Variants in ATP2B1 observed in about 807,000 individuals in gnomAD.
The protein encoded by ATP2B1 is ATPase plasma membrane Ca2+ transporting 1, also known as plasma membrane calcium-transporting ATPase 1.
A neutral mutation model predicts 124.2 loss-of-function variants in ATP2B1; 14 were observed. The ratio of observed to expected loss-of-function variants is 0.11; its 90% CI spans 0.07 to 0.18. The LOEUF is 0.18. Ranked by LOEUF, ATP2B1 falls within the 10% of genes least tolerant of loss-of-function variation. ATP2B1 has a pLI of 1.00. For synonymous variants in ATP2B1, 449 were observed against 492.4 expected, an observed-to-expected ratio of 0.91 and a Z score of 1.17; for missense variants, 763 against 1,466.1, an observed-to-expected ratio of 0.52 and a Z score of 7.83.
intron 1 of ATP2B1, among the ~76,000 whole-genome samples, chr12:89,659,758 TA>T (rs1242915164): frequency 6.6e-6 from 1 of 151,242 alleles, no homozygotes; most frequent in Non-Finnish European, 1.5e-5. Context: ...CCGTCTCTAC[TA>T]AAAAATACAA....
intron 1 of ATP2B1, among the ~76,000 whole-genome samples, chr12:89,663,687 G>A (rs550217757): frequency 2.6e-5 from 4 of 152,204 alleles, no homozygotes; most frequent in South Asian, 2.1e-4. Context: ...TTTATGCTGC[G>A]TTGAAACTAC....
chr12:89,630,218 G>A (rs190350779), intron 6 of ATP2B1, among the ~76,000 whole-genome samples: 28 of 152,270 alleles, frequency 1.8e-4, no homozygotes, highest in African/African-American at 5.1e-4. Context: ...AAAATCCGCC[G>A]TGAGAGTTCA....
chr12:89,697,396 T>C (rs550573005), intron 1 of ATP2B1, among the ~76,000 whole-genome samples: 11 of 152,178 alleles, frequency 7.2e-5, no homozygotes, highest in Admixed American at 3.3e-4. Flanking sequence ...GGAAGGGGAC[T>C]CTTGAGTTAT....
At chr12:89,598,859 T>C in intron 20 of ATP2B1, 3 of 1,267,648 alleles carry the variant, frequency 2.4e-6, no homozygotes, top group East Asian at 2.3e-5. Context: ...ACACAGCATA[T>C]AGGCAAGAAT....
intron 9 of ATP2B1, among the ~76,000 whole-genome samples, chr12:89,623,195 CTAAT>C (rs1282525339): frequency 3.9e-5 from 6 of 152,048 alleles, no homozygotes; most frequent in Admixed American, 1.3e-4. Flanking sequence ...GAAACGATGA[CTAAT>C]TAATTAATAT....
chr12:89,646,975 C>T (rs921324432), intron 2 of ATP2B1, among the ~76,000 whole-genome samples: 4 of 152,118 alleles, frequency 2.6e-5, no homozygotes, highest in African/African-American at 4.8e-5. Context: ...CCATGCAATT[C>T]AGGGCTGCAA....
intron 1 of ATP2B1, among the ~76,000 whole-genome samples, chr12:89,665,462 A>G (rs1018147823): frequency 6.6e-6 from 1 of 152,086 alleles, no homozygotes; most frequent in Non-Finnish European, 1.5e-5. Context: ...CTCCTATTCT[A>G]TTGTTCTATT....
intron 1 of ATP2B1, among the ~76,000 whole-genome samples, chr12:89,697,874 A>G (rs767074963): frequency 7.2e-5 from 11 of 151,928 alleles, no homozygotes; most frequent in Non-Finnish European, 1.3e-4. Flanking sequence ...GGCTTCATAT[A>G]TATCTTTCCC....
chr12:89,644,451 A>G (rs764007533), intron 2 of ATP2B1, among the ~76,000 whole-genome samples: 8 of 152,174 alleles, frequency 5.3e-5, no homozygotes, highest in African/African-American at 1.9e-4. Context: ...AACAAGATTC[A>G]AAGATTTCAG....
intron 1 of ATP2B1, among the ~76,000 whole-genome samples, chr12:89,664,349 A>G (rs1429162315): frequency 6.6e-6 from 1 of 152,226 alleles, no homozygotes; most frequent in Non-Finnish European, 1.5e-5. Context: ...TAAGCAGAGT[A>G]TATGATAAAA....
intron 3 of ATP2B1, among the ~76,000 whole-genome samples, chr12:89,638,591 C>G (rs1156598368): frequency 2.0e-5 from 3 of 152,104 alleles, no homozygotes; most frequent in Non-Finnish European, 2.9e-5. Context: ...AGATATGACA[C>G]CACTCTTTAC....
At chr12:89,616,655 A>G (rs973502558) in intron 12 of ATP2B1, 147 bp downstream of exon 12, 1 of 685,542 alleles carries the variant, frequency 1.5e-6, no homozygotes, top group African/African-American at 1.8e-5. Flanking sequence ...CACTGTAGGT[A>G]CTATTATTTC....
intron 1 of ATP2B1, among the ~76,000 whole-genome samples, chr12:89,658,128 C>A (rs1470804012): frequency 1.3e-5 from 2 of 152,070 alleles, no homozygotes; most frequent in African/African-American, 4.8e-5. Context: ...ATCACACTAA[C>A]CTTAAAATAG....
intron 2 of ATP2B1, among the ~76,000 whole-genome samples, chr12:89,647,130 G>A (rs895972535): frequency 2.0e-5 from 3 of 152,150 alleles, no homozygotes; most frequent in Non-Finnish European, 2.9e-5. Context: ...AAATTACTAG[G>A]AATAACTTAT....
At chr12:89,669,397 T>C (rs1887678263) in intron 1 of ATP2B1, among the ~76,000 whole-genome samples, 1 of 152,090 alleles carries the variant, frequency 6.6e-6, no homozygotes, top group Non-Finnish European at 1.5e-5. Flanking sequence ...GAAGCAAAGA[T>C]TTTTTTCAGC....
intron 2 of ATP2B1, among the ~76,000 whole-genome samples, chr12:89,644,087 A>C (rs1285658848): frequency 1.3e-5 from 2 of 152,120 alleles, no homozygotes. Context: ...ACACCACTGA[A>C]CTCCAGCCTG....
intron 1 of ATP2B1, among the ~76,000 whole-genome samples, chr12:89,695,012 C>T (rs566687258): frequency 4.7e-4 from 63 of 133,342 alleles, no homozygotes; most frequent in African/African-American, 1.7e-3. Context: ...GAGCCATGAT[C>T]GTGCCATTGC....
intron 1 of ATP2B1, among the ~76,000 whole-genome samples, chr12:89,683,989 T>C (rs1039386287): frequency 1.2e-4 from 18 of 151,930 alleles, no homozygotes; most frequent in Admixed American, 1.1e-3. Context: ...CCAAATACCA[T>C]ACAGCTGTAA....
At chr12:89,652,800 C>T (rs1885428746) in intron 2 of ATP2B1, among the ~76,000 whole-genome samples, 1 of 152,148 alleles carries the variant, frequency 6.6e-6, no homozygotes, top group East Asian at 1.9e-4. Context: ...TGCAGTGGTG[C>T]AATCATAGCT....
Sources: gnomAD v4.1 joint callset for allele counts (sites outside exome capture counted in the v4.1 genomes callset) on GRCh38, gnomAD v4.1.1 for gene constraint, MANE v1.5 for transcripts, NCBI Gene and HGNC (gene_info 2026-07-23, HGNC 2026-07-21) for gene names.